CFAP221: variants seen among roughly 807,000 people sequenced by gnomAD.
The protein encoded by CFAP221 is cilia- and flagella-associated protein 221.
Under a neutral mutation model 113.1 loss-of-function variants are expected in CFAP221, and 97 were observed. The observed-to-expected ratio is 0.86, with a 90% CI of 0.73 to 1.02. The LOEUF (loss-of-function observed/expected upper bound fraction) is 1.02. Ranked by LOEUF, CFAP221 falls within the 50% of genes least tolerant of loss-of-function variation. CFAP221 has a pLI of 0.00. For synonymous variants in CFAP221, 331 were observed against 354.4 expected, an observed-to-expected ratio of 0.93 and a Z score of 0.74; for missense variants, 1,025 against 1,013.4, an observed-to-expected ratio of 1.01 and a Z score of -0.16.
Position 119,620,145 on chromosome 2 carries a change from G to A in CFAP221, c.1410+4436G>A, listed in dbSNP as rs181501749. Among the ~76,000 whole-genome samples, 470 of 152,214 alleles carry A rather than the reference G, an allele frequency of 3.1e-3. 3 individuals are homozygous for A. Among genetic ancestry groups the A allele is most frequent in the African/African-American group, 0.011 (448 of 41,536 alleles). On this transcript the variant is annotated intron_variant, in intron 14 of 23. Transcript: ENST00000413369. ...GTACCTAAAAGTGATGGGGAGAATG[G>A]AACCAAGTTGGAAAACACTCTTCAG...
At chr2:119,583,530 T>G (rs1682993255) in intron 6 of CFAP221, among the ~76,000 whole-genome samples, 1 of 151,342 alleles carries the variant, frequency 6.6e-6, no homozygotes, top group Non-Finnish European at 1.5e-5. Flanking sequence ...TTACAACCCA[T>G]AAAAGACTTT....
intron 13 of CFAP221, among the ~76,000 whole-genome samples, chr2:119,614,554 A>G (rs998476352): frequency 1.3e-5 from 2 of 152,202 alleles, no homozygotes; most frequent in Non-Finnish European, 2.9e-5. Context: ...AATGAGAACC[A>G]AGTGAAGGGA....
intron 1 of CFAP221, chr2:119,544,970 C>A: frequency 6.8e-6 from 1 of 148,092 alleles, no homozygotes. Flanking sequence ...CGTTGAAGGG[C>A]TGGAGGGAAG....
chr2:119,591,308 C>G (rs1218403117), intron 7 of CFAP221, among the ~76,000 whole-genome samples: 1 of 152,134 alleles, frequency 6.6e-6, no homozygotes, highest in Non-Finnish European at 1.5e-5. Context: ...AGTTCCCTAG[C>G]TTTTAGAGGA....
At chr2:119,592,802 T>A (rs527531693) in intron 7 of CFAP221, among the ~76,000 whole-genome samples, 5 of 152,254 alleles carry the variant, frequency 3.3e-5, no homozygotes, top group Non-Finnish European at 7.3e-5. Context: ...TAGTAGACCT[T>A]GCTGATCGTC....
intron 22 of CFAP221, chr2:119,648,532 C>A: frequency 4.7e-6 from 1 of 212,936 alleles, no homozygotes; most frequent in Non-Finnish European, 1.1e-5. Context: ...AGAGCTCCGG[C>A]ACATTAGGAA....
At chr2:119,580,026 T>C (rs1291537744) in intron 6 of CFAP221, among the ~76,000 whole-genome samples, 1 of 152,194 alleles carries the variant, frequency 6.6e-6, no homozygotes, top group Non-Finnish European at 1.5e-5. Context: ...AAGGCCTGCT[T>C]AGGTTCTGAG....
chr2:119,560,045 C>CTTTT lies in CFAP221; in HGVS notation c.426+36_426+39dup, dbSNP rs35631078. On this transcript the variant is annotated intron_variant, in intron 5 of 23. Coordinates refer to ENST00000413369, the MANE Select transcript of CFAP221 (RefSeq NM_001271049.2). ...CTGTAAGGTAGGTCTCTTAAAATTG[C>CTTTT]TTTTTTTTTTTTTTTTTTTTGATGG... 435 of 875,236 alleles carry CTTTT rather than the reference C, an allele frequency of 5.0e-4. No individual in the cohort carries two copies. The highest frequency in any genetic ancestry group is 1.1e-3 in the East Asian group (37 of 33,082). 54.2% of individuals were successfully genotyped at this position (875,236 alleles called of 1,614,324 possible).
rs868568368 is a variant in CFAP221, at chr2:119,601,328, C to T, written c.742C>T (p.Pro248Ser). Reference sequence around the variant, plus strand: ...ATGGATTTCGCAGTTCAACTCTCAACCATACGAATGTGTCTTCACCGGAAC... The same window carrying T: ...ATGGATTTCGCAGTTCAACTCTCAATCATACGAATGTGTCTTCACCGGAAC... ...QLWISQFNSQ[P>S]YECVFTGTCY... The change falls in exon 8 of 24, where the codon CCA becomes TCA. Residue 248 changes from proline to serine, a missense_variant. By Grantham distance (74) the Pro-to-Ser change is moderately conservative. Coordinates refer to ENST00000413369, the MANE Select transcript of CFAP221 (RefSeq NM_001271049.2). 3.5e-5 allele frequency: 53 copies of T among 1,535,330 alleles called. 1 individual carries two copies. The Middle Eastern group carries it at 1.7e-3, about 48-fold the overall frequency.
chr2:119,589,928 C>T (rs553879253), intron 7 of CFAP221: 3 of 152,198 alleles, frequency 2.0e-5, no homozygotes, highest in South Asian at 2.1e-4. Flanking sequence ...CAGCAATGCA[C>T]GACTTTGGCC....
At chr2:119,593,991 C>T (rs184053046) in intron 7 of CFAP221, among the ~76,000 whole-genome samples, 19 of 152,352 alleles carry the variant, frequency 1.2e-4, no homozygotes, top group Non-Finnish European at 1.9e-4. Flanking sequence ...CAGGCCCCAC[C>T]TCCAACAGTG....
Position 119,587,177 on chromosome 2 carries a change from A to C in CFAP221, c.586A>C (p.Thr196Pro). ...CCCTGTAGATTTTGAGTTTTATATCACCTTGATTCAGTCTCATCAAGCCTT... is the reference window on the plus strand; with the variant it reads ...CCCTGTAGATTTTGAGTTTTATATCCCCTTGATTCAGTCTCATCAAGCCTT... ...SCPVDFEFYI[T>P]LIQSHQAFAI... The change falls in exon 7 of 24, where the codon ACC becomes CCC. Residue 196 changes from threonine to proline, a missense_variant. Coordinates refer to ENST00000413369, the MANE Select transcript of CFAP221 (RefSeq NM_001271049.2). 2 of 1,533,596 alleles carry C rather than the reference A, an allele frequency of 1.3e-6. No homozygotes were observed. The highest frequency in any genetic ancestry group is 1.7e-6 in the Non-Finnish European group (2 of 1,145,580). The allele number at this position is 1,533,596 out of a possible 1,614,324, so 95.0% of individuals were successfully genotyped here.
intron 22 of CFAP221, chr2:119,648,422 C>A: frequency 3.6e-6 from 1 of 273,988 alleles, no homozygotes; most frequent in Non-Finnish European, 8.4e-6. Flanking sequence ...TTTGATTTTT[C>A]ATGTCTTTGG....
chr2:119,562,619 A>G (rs1362777317), intron 6 of CFAP221, among the ~76,000 whole-genome samples: 1 of 152,222 alleles, frequency 6.6e-6, no homozygotes, highest in Non-Finnish European at 1.5e-5. Flanking sequence ...TTTTGGAGAC[A>G]AAGGCAAAGA....
chr2:119,554,210 GGAAT>G lies in CFAP221; in HGVS notation c.240+5028_240+5031del, dbSNP rs368901975. Among the ~76,000 whole-genome samples, 316 of 152,150 alleles carry G rather than the reference GGAAT, an allele frequency of 2.1e-3. 2 individuals carry two copies. Among genetic ancestry groups the G allele is most frequent in the African/African-American group, 7.4e-3 (309 of 41,494 alleles). On this transcript the variant is annotated intron_variant, in intron 3 of 23. Coordinates refer to ENST00000413369, the MANE Select transcript of CFAP221 (RefSeq NM_001271049.2). The stretch of plus-strand genomic sequence containing the variant: ...CAAACTATGCAAATTGCCCAAGAAT[GGAAT>G]GACTGAATGTGTATTTAAAACCACA...
At chr2:119,552,343 TTAA>T (rs1411470815) in intron 3 of CFAP221, among the ~76,000 whole-genome samples, 1 of 140,368 alleles carries the variant, frequency 7.1e-6, no homozygotes, top group Non-Finnish European at 1.5e-5. Context: ...ATTTCTTTCT[TTAA>T]TAAGAAATAA....
Position 119,587,119 on chromosome 2 carries a change from CA to C in CFAP221, c.532del (p.Thr178LeufsTer12). On this transcript the variant is annotated frameshift_variant and splice_region_variant, in exon 7 of 24. Transcript: ENST00000413369. LOFTEE classifies it high-confidence loss of function. ...NLSNVLLGES[K>X]TYVIPLQCSC... Reference sequence around the variant, plus strand: ...ATTTTCTTTTTTGTTTGTTTTGCAGCAAAACTTATGTTATTCCTTTGCAGTG... The same window carrying C: ...ATTTTCTTTTTTGTTTGTTTTGCAGCAAACTTATGTTATTCCTTTGCAGTG... 1 of 1,496,556 alleles carries C rather than the reference CA, an allele frequency of 6.7e-7. No individual in the cohort carries two copies. The highest frequency in any genetic ancestry group is 8.8e-7 in the Non-Finnish European group (1 of 1,131,460). The allele number at this position is 1,496,556 out of a possible 1,614,324, so 92.7% of individuals were successfully genotyped here. A position where few individuals can be genotyped will look rare whatever the true frequency, so the allele number is the denominator to read the frequency against.
At chr2:119,636,532 C>T (rs920536465) in intron 19 of CFAP221, among the ~76,000 whole-genome samples, 19 of 152,146 alleles carry the variant, frequency 1.2e-4, no homozygotes, top group Non-Finnish European at 5.9e-5. Flanking sequence ...TGTACCTAAG[C>T]GAAGTCCTTG....
chr2:119,632,143 A>G (rs191878768), intron 19 of CFAP221, among the ~76,000 whole-genome samples: 5 of 152,322 alleles, frequency 3.3e-5, no homozygotes, highest in African/African-American at 7.2e-5. Context: ...AGAAGAGACT[A>G]ATTCCCAAAT....
Sources: allele counts gnomAD v4.1 joint callset (sites outside exome capture counted in the v4.1 genomes callset), GRCh38; gene constraint gnomAD v4.1.1; transcripts MANE v1.5; gene names NCBI Gene and HGNC (gene_info 2026-07-23, HGNC 2026-07-21).